Variants in DMGDH observed in about 807,000 individuals in gnomAD.
The protein encoded by DMGDH is dimethylglycine dehydrogenase, also known as dimethylglycine dehydrogenase, mitochondrial.
In DMGDH, 76 loss-of-function variants were observed where a neutral mutation model predicts 95.2. That is an observed-to-expected ratio of 0.80 (90% CI 0.66 to 0.97). The LOEUF (loss-of-function observed/expected upper bound fraction) is 0.97, where lower values mean the gene tolerates loss of function less well. DMGDH is among the 50% of genes least tolerant of loss of function. The pLI is 0.00. For synonymous variants in DMGDH, 345 were observed against 377.6 expected, an observed-to-expected ratio of 0.91 and a Z score of 1.00; for missense variants, 987 against 1,055.0, an observed-to-expected ratio of 0.94 and a Z score of 0.89.
chr5:79,043,826 T>A (rs554271598), intron 6 of DMGDH, among the ~76,000 whole-genome samples: 1 of 152,210 alleles, frequency 6.6e-6, no homozygotes, highest in African/African-American at 2.4e-5. Context: ...TTATGTAGCA[T>A]GGGAAGTACT....
intron 14 of DMGDH, among the ~76,000 whole-genome samples, chr5:79,014,104 A>G (rs537312830): frequency 6.6e-6 from 1 of 152,334 alleles, no homozygotes; most frequent in Non-Finnish European, 1.5e-5. Flanking sequence ...CTTCTCAAAA[A>G]TGTTTAATAT....
At chr5:79,020,898 T>G in intron 14 of DMGDH, 1 of 985,408 alleles carries the variant, frequency 1.0e-6, no homozygotes. Flanking sequence ...GGACAAAAAT[T>G]CAATATTTCC....
At chr5:79,037,357 C>T (rs1175316991) in intron 7 of DMGDH, among the ~76,000 whole-genome samples, 4 of 152,210 alleles carry the variant, frequency 2.6e-5, no homozygotes, top group Admixed American at 6.5e-5. Flanking sequence ...TTCTGCTCCT[C>T]ACCCAGGTAT....
intron 12 of DMGDH, 25 bp from the exon 13 acceptor site, chr5:79,026,606 AGCAGG>A: frequency 1.2e-6 from 2 of 1,614,012 alleles, no homozygotes; most frequent in Non-Finnish European, 1.7e-6. Flanking sequence ...CAGGTGCCAC[AGCAGG>A]GCAAGAACAA....
At chr5:79,000,398 C>T (rs1400249666) in intron 15 of DMGDH, 1 of 636,888 alleles carries the variant, frequency 1.6e-6, no homozygotes, top group Non-Finnish European at 3.1e-6. Context: ...GTGGTACTAG[C>T]TATTTTCTTA....
chr5:79,058,827 A>G (rs1236146835), intron 2 of DMGDH, among the ~76,000 whole-genome samples: 1 of 152,212 alleles, frequency 6.6e-6, no homozygotes, highest in Non-Finnish European at 1.5e-5. Flanking sequence ...GGAGTTAGAA[A>G]ATTCATTCCT....
At chr5:79,027,009 T>C (rs771802452) in intron 12 of DMGDH, among the ~76,000 whole-genome samples, 1 of 152,224 alleles carries the variant, frequency 6.6e-6, no homozygotes, top group African/African-American at 2.4e-5. Flanking sequence ...CTTAAAAATA[T>C]AGTTAACTAA....
chr5:78,998,316 C>A lies in DMGDH; in HGVS notation c.2386-19G>T, dbSNP rs773452946. 2 of 1,603,202 alleles carry A rather than the reference C, an allele frequency of 1.2e-6. No individual in the cohort carries two copies. The highest frequency in any genetic ancestry group is 3.3e-4 in the Middle Eastern group (2 of 5,986). On this transcript the variant is annotated intron_variant, in intron 15 of 15. Coordinates refer to ENST00000255189, the MANE Select transcript of DMGDH (RefSeq NM_013391.3). ...CAACCACCTGGAAAACAAGACCCAA[C>A]AGTCCTCAGCATCTTGGTCACAGCT...
intron 1 of DMGDH, among the ~76,000 whole-genome samples, chr5:79,068,373 A>G (rs1200797524): frequency 2.6e-5 from 4 of 152,368 alleles, no homozygotes; most frequent in Non-Finnish European, 5.9e-5. Context: ...TTTCACATGC[A>G]TTCTCTTATT....
In DMGDH at chr5:79,069,621, G is replaced by T; in HGVS notation, c.-1C>A. 1 of 1,375,846 alleles carries T rather than the reference G, an allele frequency of 7.3e-7. No homozygotes were observed. The highest frequency in any genetic ancestry group is 1.7e-5 in the South Asian group (1 of 58,124). The allele number at this position is 1,375,846 out of a possible 1,614,324, so 85.2% of individuals were successfully genotyped here. On this transcript the variant is annotated 5_prime_UTR_variant, in exon 1 of 16. Transcript: ENST00000255189. ...GCAGCTGCGCGCCGGGACGGAGCAT[G>T]ACTAGGCCGAGGCCGAGGGCGCAGG...
intron 5 of DMGDH, among the ~76,000 whole-genome samples, chr5:79,050,248 C>CAAAAAAAAAAAA (rs57662602): frequency 2.5e-5 from 2 of 78,640 alleles, no homozygotes; most frequent in African/African-American, 5.3e-5. Flanking sequence ...AACTTTGTCT[C>CAAAAAAAAAAAA]AAAAAAAAAA....
At chr5:79,000,041 T>G in intron 15 of DMGDH, 1 of 301,202 alleles carries the variant, frequency 3.3e-6, no homozygotes. Flanking sequence ...TTGGAAGAAT[T>G]GTCACCTCAG....
At chr5:79,055,725 A>G in intron 3 of DMGDH, 85 bp downstream of exon 3, 1 of 880,272 alleles carries the variant, frequency 1.1e-6, no homozygotes, top group Non-Finnish European at 1.9e-6. Flanking sequence ...ACGGTCATAC[A>G]CAATGATGCA....
intron 2 of DMGDH, among the ~76,000 whole-genome samples, chr5:79,061,115 G>A (rs1345093720): frequency 6.6e-6 from 1 of 151,738 alleles, no homozygotes; most frequent in African/African-American, 2.4e-5. Context: ...CCCAGCTACA[G>A]GTGCTGATGT....
chr5:79,054,469 T>G, intron 3 of DMGDH, 121 bp from the exon 4 acceptor site: 1 of 1,003,742 alleles, frequency 1.0e-6, no homozygotes, highest in Non-Finnish European at 1.5e-6. Flanking sequence ...GTGAAAGAAA[T>G]AACTATTAAA....
chr5:79,016,343 T>C (rs190335), intron 14 of DMGDH, among the ~76,000 whole-genome samples: 91,816 of 151,982 alleles, frequency 0.6, 29,483 homozygotes, highest in African/African-American at 0.84. Context: ...TGTGACAATC[T>C]GATGGAATCT....
Position 79,022,130 on chromosome 5 carries a change from A to G in DMGDH, c.2250+2141T>C, listed in dbSNP as rs529246875. Among the ~76,000 whole-genome samples the G allele has an allele frequency of 4.6e-5, 7 of 152,374 alleles. No individual in the cohort carries two copies. In the East Asian group the frequency reaches 1.3e-3, roughly 29 times the overall value. On this transcript the variant is annotated intron_variant, in intron 14 of 15. Transcript: ENST00000255189. ...GGGAAAGAAATAACTGATTTCAAAC[A>G]ATTGTAAAATGCCAGGGTTTTTGCT...
Position 78,998,060 on chromosome 5 carries a change from GTTGACTGCTGAAGGTCTTTTTTCAAGTT to G in DMGDH, c.2595_*21del. On this transcript the variant is annotated stop_lost and 3_prime_UTR_variant, in exon 16 of 16. Coordinates refer to ENST00000255189, the MANE Select transcript of DMGDH (RefSeq NM_013391.3). Reference sequence around the variant, plus strand: ...GACAGTCATTAGCAACTCTAATTCAGTTGACTGCTGAAGGTCTTTTTTCAAGTTTTGTCCTTTCCACCTTTTTTCTGAA... The same window carrying G: ...GACAGTCATTAGCAACTCTAATTCAGTTGTCCTTTCCACCTTTTTTCTGAA... 1 of 1,613,006 alleles carries G rather than the reference GTTGACTGCTGAAGGTCTTTTTTCAAGTT, an allele frequency of 6.2e-7. No individual in the cohort carries two copies. The highest frequency in any genetic ancestry group is 8.5e-7 in the Non-Finnish European group (1 of 1,179,030).
chr5:79,029,905 T>G lies in DMGDH; in HGVS notation c.1813A>C (p.Arg605=). 6.2e-7 allele frequency: 1 copy of G among 1,614,010 alleles called. No individual in the cohort carries two copies. The highest frequency in any genetic ancestry group is 8.5e-7 in the Non-Finnish European group (1 of 1,179,946). Residue 605 remains arginine, a splice_region_variant and synonymous_variant, in exon 11 of 16, where the codon AGA becomes CGA. Coordinates refer to ENST00000255189, the MANE Select transcript of DMGDH (RefSeq NM_013391.3). ...TTTTCTTACTAGGTGTGCACTTACCTAAGATCATGAAGTTCTGATCCAGAG... is the reference window on the plus strand; with the variant it reads ...TTTTCTTACTAGGTGTGCACTTACCGAAGATCATGAAGTTCTGATCCAGAG... The part of the protein sequence containing the change: ...TGSGSELHDL[R]WIEEEAVKGG...
Sources: allele counts gnomAD v4.1 joint callset (sites outside exome capture counted in the v4.1 genomes callset), GRCh38; gene constraint gnomAD v4.1.1; transcripts MANE v1.5; gene names NCBI Gene and HGNC (gene_info 2026-07-23, HGNC 2026-07-21).